The following PBX4 variants were observed in gnomAD, a reference collection of about 807,000 sequenced individuals.
PBX4 encodes the protein PBX homeobox 4.
Under a neutral mutation model 35.1 loss-of-function variants are expected in PBX4, and 26 were observed. The ratio of observed to expected loss-of-function variants is 0.74; its 90% CI spans 0.54 to 1.03. The LOEUF (loss-of-function observed/expected upper bound fraction) is 1.03, where lower values mean the gene tolerates loss of function less well. PBX4 is among the 50% of genes least tolerant of loss of function. The probability of loss-of-function intolerance (pLI) is 0.00; values close to 1 mark genes in which losing one functional copy is unlikely to be tolerated. For missense variants in PBX4, 448 were observed against 504.3 expected, an observed-to-expected ratio of 0.89 and a Z score of 1.07; for synonymous variants, 199 against 204.2, an observed-to-expected ratio of 0.97 and a Z score of 0.22.
chr19:19,609,928 G>A (rs1459780359), intron 1 of PBX4, among the ~76,000 whole-genome samples: 1 of 152,140 alleles, frequency 6.6e-6, no homozygotes, highest in Admixed American at 6.6e-5. Context: ...GGGTAAATGA[G>A]GGAAATCCTT....
chr19:19,573,246 G>A (rs1350005316), intron 2 of PBX4, among the ~76,000 whole-genome samples: 1 of 149,824 alleles, frequency 6.7e-6, no homozygotes, highest in African/African-American at 2.5e-5. Flanking sequence ...TGGAGGTTGC[G>A]GTGAGCCGAG....
intron 2 of PBX4, among the ~76,000 whole-genome samples, chr19:19,575,578 C>G (rs1329762452): frequency 6.6e-6 from 1 of 152,132 alleles, no homozygotes; most frequent in Non-Finnish European, 1.5e-5. Context: ...TTATCCCTCC[C>G]TAGGTCCCTA....
At chr19:19,593,130 T>C (rs1008236531) in intron 2 of PBX4, among the ~76,000 whole-genome samples, 13 of 152,212 alleles carry the variant, frequency 8.5e-5, no homozygotes, top group African/African-American at 3.1e-4. Flanking sequence ...AGGGTCTTAC[T>C]GTGTTGCCCA....
intron 1 of PBX4, among the ~76,000 whole-genome samples, chr19:19,618,147 C>A (rs955179333): frequency 6.6e-6 from 1 of 152,006 alleles, no homozygotes; most frequent in African/African-American, 2.4e-5. Context: ...GGCGACAGAG[C>A]AAGACCGTGT....
chr19:19,579,629 C>T (rs956788777), intron 2 of PBX4, among the ~76,000 whole-genome samples: 1 of 152,238 alleles, frequency 6.6e-6, no homozygotes, highest in Non-Finnish European at 1.5e-5. Flanking sequence ...AGGGAGAAGG[C>T]TAACCCATGG....
At chr19:19,564,844 A>T (rs1352802632) in intron 6 of PBX4, 89 bp downstream of exon 6, 3 of 1,486,694 alleles carry the variant, frequency 2.0e-6, no homozygotes, top group African/African-American at 1.4e-5. Flanking sequence ...GGGGGAAGGG[A>T]GATGTGGTCC....
At chr19:19,592,898 G>A (rs530647951) in intron 2 of PBX4, among the ~76,000 whole-genome samples, 5 of 152,270 alleles carry the variant, frequency 3.3e-5, no homozygotes, top group African/African-American at 4.8e-5. Flanking sequence ...GACAGTGTAC[G>A]GGGTGGGGCG....
At chr19:19,589,866 G>A (rs2061515819) in intron 2 of PBX4, among the ~76,000 whole-genome samples, 1 of 152,146 alleles carries the variant, frequency 6.6e-6, no homozygotes, top group African/African-American at 2.4e-5. Context: ...CTTGATGCTG[G>A]TCTTCCAGGA....
At chr19:19,613,800 G>A (rs1237190463) in intron 1 of PBX4, among the ~76,000 whole-genome samples, 1 of 152,136 alleles carries the variant, frequency 6.6e-6, no homozygotes, top group African/African-American at 2.4e-5. Flanking sequence ...CATTGATCCT[G>A]GCTCTGGGAA....
intron 1 of PBX4, among the ~76,000 whole-genome samples, chr19:19,613,232 G>A (rs186233615): frequency 0.014 from 2,070 of 151,640 alleles, 71 homozygotes; most frequent in South Asian, 0.07. Flanking sequence ...TTGGGAGGCC[G>A]AGGTGGGAGG....
intron 2 of PBX4, among the ~76,000 whole-genome samples, chr19:19,572,898 G>A (rs2061394465): frequency 7.5e-6 from 1 of 132,672 alleles, no homozygotes; most frequent in South Asian, 2.4e-4. Context: ...TCAACACTTA[G>A]TGCTAGTTTA....
rs116685913 is a variant in PBX4, at chr19:19,586,269, C to T, written c.193+13023G>A. Among the ~76,000 whole-genome samples, 1,393 of 151,934 alleles carry T rather than the reference C, an allele frequency of 9.2e-3. 27 individuals are homozygous for T. Among genetic ancestry groups the T allele is most frequent in the African/African-American group, 0.031 (1,291 of 41,454 alleles). On this transcript the variant is annotated intron_variant, in intron 2 of 7. Transcript: ENST00000251203. Reference sequence around the variant, plus strand: ...ATCTATAAAAAGTACAAAAATTAGCCGGATATGGTGGCTTCTATCTGTAGT... The same window carrying T: ...ATCTATAAAAAGTACAAAAATTAGCTGGATATGGTGGCTTCTATCTGTAGT...
At chr19:19,573,382 T>G (rs570109439) in intron 2 of PBX4, among the ~76,000 whole-genome samples, 1 of 146,240 alleles carries the variant, frequency 6.8e-6, no homozygotes, top group East Asian at 2.0e-4. Flanking sequence ...TATAGGATAG[T>G]GTCCCACCTT....
At chr19:19,603,569 G>C (rs1421568555) in intron 1 of PBX4, among the ~76,000 whole-genome samples, 1 of 152,178 alleles carries the variant, frequency 6.6e-6, no homozygotes, top group Non-Finnish European at 1.5e-5. Context: ...ACGGTGCCCA[G>C]CCTGTTGTCT....
At chr19:19,581,504 T>A (rs2061453553) in intron 2 of PBX4, among the ~76,000 whole-genome samples, 1 of 152,190 alleles carries the variant, frequency 6.6e-6, no homozygotes, top group South Asian at 2.1e-4. Context: ...GTCATTACTG[T>A]CTTGCGGGTG....
At chr19:19,590,462 TTTTC>T (rs1193896459) in intron 2 of PBX4, among the ~76,000 whole-genome samples, 8 of 151,546 alleles carry the variant, frequency 5.3e-5, no homozygotes, top group South Asian at 2.1e-4. Context: ...TTTTGTTTTG[TTTTC>T]TTTCTTTTTT....
chr19:19,599,052 T>C (rs1418486425), intron 2 of PBX4, among the ~76,000 whole-genome samples: 2 of 150,546 alleles, frequency 1.3e-5, no homozygotes, highest in African/African-American at 4.9e-5. Flanking sequence ...CACCGCAACC[T>C]CCACCTCCCA....
At chr19:19,578,273 G>T (rs1247736307) in intron 2 of PBX4, among the ~76,000 whole-genome samples, 1 of 152,016 alleles carries the variant, frequency 6.6e-6, no homozygotes, top group Non-Finnish European at 1.5e-5. Context: ...GAGGAGAAAC[G>T]CTGTGCCTTG....
chr19:19,589,519 C>G (rs1018044488), intron 2 of PBX4, among the ~76,000 whole-genome samples: 1 of 152,076 alleles, frequency 6.6e-6, no homozygotes, highest in Admixed American at 6.6e-5. Context: ...CTGTAAATCC[C>G]AGCACTTTGG....
Sources: gnomAD v4.1 joint callset for allele counts (sites outside exome capture counted in the v4.1 genomes callset) on GRCh38, gnomAD v4.1.1 for gene constraint, MANE v1.5 for transcripts, NCBI Gene and HGNC (gene_info 2026-07-23, HGNC 2026-07-21) for gene names.